The following ZNF676 variants were observed in gnomAD, a reference collection of about 807,000 sequenced individuals.
ZNF676 encodes the protein zinc finger protein 676.
In ZNF676, 4 loss-of-function variants were observed where a neutral mutation model predicts 6.0. The ratio of observed to expected loss-of-function variants is 0.67; its 90% CI spans 0.33 to 1.53. The LOEUF (loss-of-function observed/expected upper bound fraction) is 1.53. ZNF676 is among the 40% of genes most tolerant of loss of function. The pLI, the probability that ZNF676 is intolerant of heterozygous loss-of-function variation, is 0.06. For synonymous variants in ZNF676, 198 were observed against 223.1 expected (o/e 0.89, Z 1.00); for missense variants, 644 against 679.7 (o/e 0.95, Z 0.58).
upstream of ZNF676, among the ~76,000 whole-genome samples, chr19:22,201,838 G>A (rs1354645635): frequency 2.0e-5 from 3 of 150,876 alleles, no homozygotes; most frequent in African/African-American, 7.3e-5. Context: ...ATAATTGATT[G>A]CATATACATC....
At chr19:22,193,261 T>G in intron 1 of ZNF676, 150 bp from the exon 2 acceptor site, 2 of 962,304 alleles carry the variant, frequency 2.1e-6, no homozygotes, top group South Asian at 6.2e-5. Context: ...AGAAAAACGT[T>G]ATGTGCAGTT....
At chr19:22,214,282 T>TA (rs1311424911) in intron 1 of ZNF676, among the ~76,000 whole-genome samples, 1 of 152,154 alleles carries the variant, frequency 6.6e-6, no homozygotes, top group African/African-American at 2.4e-5. Context: ...GGCTGGCAGT[T>TA]AGACTGAGGA....
upstream of ZNF676, among the ~76,000 whole-genome samples, chr19:22,198,517 A>G (rs1356093231): frequency 6.6e-6 from 1 of 152,128 alleles, no homozygotes; most frequent in African/African-American, 2.4e-5. Context: ...TTAGGTGAAA[A>G]AGAAAAGGCC....
At chr19:22,235,121 C>CAGAAAGGAAGGAAGGAAGGA in the ZNF676 span, among the ~76,000 whole-genome samples, 5 of 131,700 alleles carry the variant, frequency 3.8e-5, no homozygotes, top group African/African-American at 1.5e-4. Context: ...GGCAGGAAGG[C>CAGAAAGGAAGGAAGGAAGGA]AGGAAGGAAG....
intron 1 of ZNF676, among the ~76,000 whole-genome samples, chr19:22,211,203 T>A (rs191328618): frequency 7.4e-4 from 113 of 152,136 alleles, no homozygotes; most frequent in African/African-American, 2.7e-3. Context: ...ACCCCTTCTA[T>A]CTTAACCTTA....
chr19:22,181,928 ATTTT>A (rs11309473), intron 2 of ZNF676, among the ~76,000 whole-genome samples: 2 of 145,078 alleles, frequency 1.4e-5, no homozygotes, highest in Non-Finnish European at 1.5e-5. Context: ...TCCATTTCTG[ATTTT>A]TTTTTTTTTT....
At chr19:22,217,423 G>A (rs1309861686), upstream of ZNF676, among the ~76,000 whole-genome samples, 2 of 151,922 alleles carry the variant, frequency 1.3e-5, no homozygotes, top group African/African-American at 4.8e-5. Flanking sequence ...GGCTTGTCTC[G>A]AACTCCCAAC....
intron 1 of ZNF676, among the ~76,000 whole-genome samples, chr19:22,202,710 AG>A (rs2024038148): frequency 6.6e-6 from 1 of 152,238 alleles, no homozygotes; most frequent in Non-Finnish European, 1.5e-5. Context: ...TTCATCTACA[AG>A]TAGAATTTAC....
chr19:22,229,822 T>C, the ZNF676 span, among the ~76,000 whole-genome samples: 2 of 152,048 alleles, frequency 1.3e-5, no homozygotes, highest in Non-Finnish European at 2.9e-5. Context: ...ACAGTTAGAA[T>C]GTAATCATTA....
At chr19:22,232,138 C>A in the ZNF676 span, among the ~76,000 whole-genome samples, 2 of 151,838 alleles carry the variant, frequency 1.3e-5, no homozygotes, top group African/African-American at 2.4e-5. Context: ...ACATAGAGAA[C>A]AATATAGTTA....
chr19:22,202,307 G>C (rs1182378787), intron 1 of ZNF676, among the ~76,000 whole-genome samples: 1 of 152,108 alleles, frequency 6.6e-6, no homozygotes, highest in Non-Finnish European at 1.5e-5. Context: ...GTTAATATCT[G>C]ACCTATAAAG....
chr19:22,196,561 T>C (rs1263740730), intron 1 of ZNF676, 39 bp downstream of exon 1: 1 of 1,613,310 alleles, frequency 6.2e-7, no homozygotes, highest in Non-Finnish European at 8.5e-7. Context: ...ATGAAACCTG[T>C]AGTATATACT....
the ZNF676 span, among the ~76,000 whole-genome samples, chr19:22,245,855 T>C: frequency 2.0e-5 from 3 of 152,108 alleles, no homozygotes; most frequent in African/African-American, 7.2e-5. Flanking sequence ...TCACATCGTC[T>C]AGTTGCTGGG....
chr19:22,209,012 T>C lies in ZNF676; in HGVS notation c.3+6620A>G, dbSNP rs562785673. ...CGGGTGCAGTGGCTCACACCTGTAA[T>C]CCCAGCACTTTGGGAGGCCAAGGCG... On this transcript the variant is annotated intron_variant, in intron 1 of 3. Coordinates refer to the ZNF676 transcript ENST00000650058. Among the ~76,000 whole-genome samples, 3 of 151,460 alleles carry C rather than the reference T, an allele frequency of 2.0e-5. No homozygotes were observed. In the East Asian group the frequency reaches 5.9e-4, roughly 30 times the overall value.
At chr19:22,184,108 C>T (rs1212335927) in intron 2 of ZNF676, among the ~76,000 whole-genome samples, 1 of 152,182 alleles carries the variant, frequency 6.6e-6, no homozygotes, top group Non-Finnish European at 1.5e-5. Context: ...CAGCTCCCAG[C>T]AAGACTGACA....
intron 1 of ZNF676, among the ~76,000 whole-genome samples, chr19:22,208,717 G>T (rs1424396567): frequency 6.6e-6 from 1 of 152,142 alleles, no homozygotes; most frequent in Admixed American, 6.6e-5. Flanking sequence ...GCTGAGCCAG[G>T]TGGATTGCCT....
At chr19:22,205,200 C>A (rs573977239) in intron 1 of ZNF676, among the ~76,000 whole-genome samples, 72 of 152,214 alleles carry the variant, frequency 4.7e-4, no homozygotes, top group Non-Finnish European at 9.3e-4. Flanking sequence ...TAGAATCTGA[C>A]AGTAATAATC....
At chr19:22,190,976 CT>C in intron 2 of ZNF676, among the ~76,000 whole-genome samples, 1 of 152,050 alleles carries the variant, frequency 6.6e-6, no homozygotes, top group South Asian at 2.1e-4. Context: ...CCCCTATTTG[CT>C]TAACCCCCAA....
intron 1 of ZNF676, among the ~76,000 whole-genome samples, chr19:22,202,103 T>C (rs1384386542): frequency 2.0e-5 from 3 of 152,128 alleles, no homozygotes; most frequent in Admixed American, 2.0e-4. Flanking sequence ...ATTCAGGTCC[T>C]GCATGGGTAA....
Sources: allele counts gnomAD v4.1 joint callset (sites outside exome capture counted in the v4.1 genomes callset), GRCh38; gene constraint gnomAD v4.1.1; transcripts MANE v1.5; gene names NCBI Gene and HGNC (gene_info 2026-07-23, HGNC 2026-07-21).